The following OSBPL8 variants were observed in gnomAD, a reference collection of about 807,000 sequenced individuals.
The protein encoded by OSBPL8 is oxysterol-binding protein-related protein 8.
Under a neutral mutation model 125.5 loss-of-function variants are expected in OSBPL8, and 59 were observed. That is an observed-to-expected ratio of 0.47 (90% CI 0.38 to 0.58). OSBPL8 has a LOEUF of 0.58. OSBPL8 is among the 20% of genes least tolerant of loss of function. The probability of loss-of-function intolerance (pLI) is 0.00; values close to 1 mark genes in which losing one functional copy is unlikely to be tolerated. For missense variants in OSBPL8, 758 were observed against 1,047.8 expected (o/e 0.72, Z 3.82); for synonymous variants, 330 against 338.9 (o/e 0.97, Z 0.29).
chr12:76,543,967 A>G (rs2175606), intron 1 of OSBPL8, among the ~76,000 whole-genome samples: 16,133 of 152,234 alleles, frequency 0.11, 916 homozygotes, highest in Admixed American at 0.12. Flanking sequence ...TAACATACGA[A>G]GAATAATTCA....
chr12:76,488,645 T>A (rs1001934886), intron 1 of OSBPL8, among the ~76,000 whole-genome samples: 1 of 152,198 alleles, frequency 6.6e-6, no homozygotes, highest in African/African-American at 2.4e-5. Flanking sequence ...CACCACAAAC[T>A]GCAGCCATAT....
At chr12:76,402,384 C>T (rs969011544) in intron 6 of OSBPL8, among the ~76,000 whole-genome samples, 1 of 152,138 alleles carries the variant, frequency 6.6e-6, no homozygotes, top group African/African-American at 2.4e-5. Flanking sequence ...TTAGGAGTTC[C>T]ACAACATAGT....
intron 3 of OSBPL8, among the ~76,000 whole-genome samples, chr12:76,454,729 T>TAAAAAAAAA (rs140485885): frequency 1.7e-5 from 2 of 117,078 alleles, no homozygotes; most frequent in Non-Finnish European, 1.9e-5. Flanking sequence ...TTTAAAAAAT[T>TAAAAAAAAA]AAAAAAAAAA....
At chr12:76,542,121 A>C (rs1033218202) in intron 1 of OSBPL8, among the ~76,000 whole-genome samples, 3 of 152,224 alleles carry the variant, frequency 2.0e-5, no homozygotes, top group African/African-American at 7.2e-5. Context: ...TGGTGAGCCA[A>C]GATCATGCCA....
At chr12:76,536,835 A>C (rs890350719) in intron 1 of OSBPL8, among the ~76,000 whole-genome samples, 18 of 147,654 alleles carry the variant, frequency 1.2e-4, no homozygotes, top group Non-Finnish European at 2.4e-4. Context: ...AAAAAAAAAA[A>C]CGAGTAATCT....
rs187745908 is a variant in OSBPL8 at position 76,442,856 on chromosome 12, A to C, written c.217+7995T>G. Among the ~76,000 whole-genome samples, 242 of 152,328 alleles carry C rather than the reference A, an allele frequency of 1.6e-3. 1 individual carries two copies. The highest frequency in any genetic ancestry group is 3.3e-3 in the Admixed American group (50 of 15,298). On this transcript the variant is annotated intron_variant, in intron 4 of 23. Transcript: ENST00000261183. ...CATGTTAGTCACCTGAGATTATACCAGTAATGTGTAACGCTGTCACCCTGG... is the reference window on the plus strand; with the variant it reads ...CATGTTAGTCACCTGAGATTATACCCGTAATGTGTAACGCTGTCACCCTGG...
At chr12:76,380,547 A>C (rs1229911478) in intron 15 of OSBPL8, among the ~76,000 whole-genome samples, 1 of 150,028 alleles carries the variant, frequency 6.7e-6, no homozygotes, top group Non-Finnish European at 1.5e-5. Flanking sequence ...AAAAAAAAAA[A>C]CCCTCTGCAA....
Position 76,510,794 on chromosome 12 carries a change from T to C in OSBPL8, c.-67-23176A>G, listed in dbSNP as rs562072247. On this transcript the variant is annotated intron_variant, in intron 1 of 23. Transcript: ENST00000261183. The stretch of plus-strand genomic sequence containing the variant: ...TACTCGTGAGGCTGAGGCAGGAGAA[T>C]CGCTTGACCCCGGGAGCTGGAGGTT... Among the ~76,000 whole-genome samples the C allele has an allele frequency of 5.3e-3, 803 of 151,100 alleles. 7 individuals carry two copies. Among genetic ancestry groups the C allele is most frequent in the African/African-American group, 0.019 (775 of 41,122 alleles).
At chr12:76,456,572 T>C (rs6539464) in intron 3 of OSBPL8, among the ~76,000 whole-genome samples, 149,814 of 152,136 alleles carry the variant, frequency 0.98, 73,764 homozygotes, top group East Asian at 1. Context: ...GGTTGTGTCC[T>C]TGCACTAGGT....
intron 2 of OSBPL8, among the ~76,000 whole-genome samples, chr12:76,481,897 G>A (rs985645273): frequency 3.0e-4 from 46 of 152,140 alleles, no homozygotes; most frequent in African/African-American, 8.4e-4. Context: ...CTTAGAATAC[G>A]ATTTAAGGCT....
intron 1 of OSBPL8, among the ~76,000 whole-genome samples, chr12:76,554,361 G>A (rs1397065127): frequency 6.6e-6 from 1 of 152,154 alleles, no homozygotes; most frequent in Non-Finnish European, 1.5e-5. Context: ...AGGAGCAACT[G>A]CAAATAAATT....
intron 12 of OSBPL8, 105 bp from the exon 13 acceptor site, chr12:76,386,765 T>A (rs1953330549): frequency 4.2e-6 from 3 of 717,026 alleles, no homozygotes; most frequent in Non-Finnish European, 6.8e-6. Flanking sequence ...GAAAACATAA[T>A]TCTTATTTTA....
chr12:76,524,157 T>C (rs1417917847), intron 1 of OSBPL8, among the ~76,000 whole-genome samples: 2 of 152,172 alleles, frequency 1.3e-5, no homozygotes, highest in African/African-American at 4.8e-5. Context: ...ACTGTTCTCA[T>C]AATAAATAAA....
intron 2 of OSBPL8, among the ~76,000 whole-genome samples, chr12:76,465,169 G>A (rs2136869179): frequency 6.6e-6 from 1 of 152,236 alleles, no homozygotes; most frequent in African/African-American, 2.4e-5. Flanking sequence ...ATATTATCTG[G>A]CCTGCCAAGC....
intron 4 of OSBPL8, chr12:76,422,540 C>T (rs1435742166): frequency 2.2e-6 from 1 of 456,428 alleles, no homozygotes; most frequent in East Asian, 6.9e-5. Flanking sequence ...TTCATTGTAT[C>T]CTCCAAATGA....
chr12:76,479,217 G>T (rs891997195), intron 2 of OSBPL8, among the ~76,000 whole-genome samples: 5 of 152,116 alleles, frequency 3.3e-5, no homozygotes, highest in African/African-American at 9.7e-5. Context: ...AGTATAATTG[G>T]ATTGTAACAC....
chr12:76,457,120 C>G (rs1874147628), intron 3 of OSBPL8, among the ~76,000 whole-genome samples: 1 of 152,094 alleles, frequency 6.6e-6, no homozygotes, highest in Non-Finnish European at 1.5e-5. Context: ...TTTACTGGAG[C>G]AAATAACTTC....
At chr12:76,390,784 A>C in intron 10 of OSBPL8, 127 bp from the exon 11 acceptor site, 1 of 634,950 alleles carries the variant, frequency 1.6e-6, no homozygotes, top group Middle Eastern at 4.3e-4. Context: ...AGTGTTTTAC[A>C]TAGTGTTAAT....
Position 76,400,017 on chromosome 12 carries a change from A to T in OSBPL8, c.367-43T>A, listed in dbSNP as rs1162747420. 3 of 1,450,714 alleles carry T rather than the reference A, an allele frequency of 2.1e-6. No homozygotes were observed. The Admixed American group carries it at 6.6e-5, about 32-fold the overall frequency. The allele number at this position is 1,450,714 out of a possible 1,614,324, so 89.9% of individuals were successfully genotyped here. On this transcript the variant is annotated intron_variant, in intron 6 of 23. Coordinates refer to ENST00000261183, the MANE Select transcript of OSBPL8 (RefSeq NM_020841.5). ...TAGAAAAGATAAAAACTCAACAGAA[A>T]TGAGCAATTTATTTTAAGTTCAGGG...
Sources: gnomAD v4.1 joint callset for allele counts (sites outside exome capture counted in the v4.1 genomes callset) on GRCh38, gnomAD v4.1.1 for gene constraint, MANE v1.5 for transcripts, NCBI Gene and HGNC (gene_info 2026-07-23, HGNC 2026-07-21) for gene names.